The following SHANK2 variants were observed in gnomAD, a reference collection of about 807,000 sequenced individuals.
SHANK2 encodes the protein SH3 and multiple ankyrin repeat domains 2.
Under a neutral mutation model 133.7 loss-of-function variants are expected in SHANK2, and 43 were observed. The observed-to-expected ratio is 0.32, with a 90% CI of 0.25 to 0.41. The LOEUF (loss-of-function observed/expected upper bound fraction) is 0.41. Among genes scored for constraint, SHANK2 ranks in the 10% least tolerant of loss-of-function variants. The pLI is 1.00. For synonymous variants in SHANK2, 1,017 were observed against 952.8 expected (o/e 1.07, Z -1.24); for missense variants, 1,994 against 2,235.8 (o/e 0.89, Z 2.18).
Position 70,632,445 on chromosome 11 carries a change from C to T in SHANK2, c.2061+27383G>A, listed in dbSNP as rs782520697. Among the ~76,000 whole-genome samples the T allele has an allele frequency of 3.9e-5, 6 of 152,226 alleles. No individual in the cohort carries two copies. The East Asian group carries it at 5.8e-4, about 15-fold the overall frequency. On this transcript the variant is annotated intron_variant, in intron 17 of 25. Transcript: ENST00000601538. ...CTGCTCCTGGTTCCATCACGGGCCC[C>T]GAACAGCTGCAGGTGTGTGAAGGCA...
intron 17 of SHANK2, among the ~76,000 whole-genome samples, chr11:70,580,863 C>T (rs559830087): frequency 6.6e-6 from 1 of 152,320 alleles, no homozygotes; most frequent in Non-Finnish European, 1.5e-5. Context: ...CTGGGGGGCT[C>T]ACCTCCTGTT....
chr11:70,502,008 C>T (rs932485122), intron 19 of SHANK2, 77 bp from the exon 20 acceptor site: 32 of 1,494,446 alleles, frequency 2.1e-5, no homozygotes, highest in Admixed American at 1.2e-4. Context: ...CTAGCAACAA[C>T]GCCCCGCGAG....
chr11:70,837,525 C>G (rs532704199), intron 11 of SHANK2, among the ~76,000 whole-genome samples: 61 of 152,334 alleles, frequency 4.0e-4, no homozygotes, highest in Admixed American at 1.8e-3. Flanking sequence ...CCCCTTGTGA[C>G]TTTTTCCTTC....
At chr11:71,208,379 G>A (rs1954175034) in intron 2 of SHANK2, among the ~76,000 whole-genome samples, 1 of 152,150 alleles carries the variant, frequency 6.6e-6, no homozygotes, top group Non-Finnish European at 1.5e-5. Flanking sequence ...TCCAAGGATG[G>A]ACTGGGTGAG....
intron 11 of SHANK2, among the ~76,000 whole-genome samples, chr11:70,853,983 C>A (rs1949130465): frequency 6.6e-6 from 1 of 152,112 alleles, no homozygotes; most frequent in Admixed American, 6.5e-5. Flanking sequence ...CAATTAAACC[C>A]ACAAAGACGC....
At chr11:70,805,043 T>C (rs570815997) in intron 13 of SHANK2, among the ~76,000 whole-genome samples, 2 of 152,306 alleles carry the variant, frequency 1.3e-5, no homozygotes, top group East Asian at 3.9e-4. Flanking sequence ...TCTCGGAGCA[T>C]GGGTCAGTAT....
intron 1 of SHANK2, among the ~76,000 whole-genome samples, chr11:71,245,765 C>T (rs1555124887): frequency 6.6e-6 from 1 of 152,224 alleles, no homozygotes; most frequent in African/African-American, 2.4e-5. Flanking sequence ...TCAGTATCTT[C>T]CCCTGCCAAA....
chr11:70,850,709 C>T (rs927178425), intron 11 of SHANK2, among the ~76,000 whole-genome samples: 1 of 152,162 alleles, frequency 6.6e-6, no homozygotes, highest in Admixed American at 6.5e-5. Flanking sequence ...CTCTGAGGCA[C>T]CCGGACCTTC....
chr11:71,151,690 G>C (rs545484771), intron 2 of SHANK2, among the ~76,000 whole-genome samples: 6 of 152,300 alleles, frequency 3.9e-5, no homozygotes, highest in South Asian at 2.1e-4. Flanking sequence ...AACGGAGGGC[G>C]GGGGGAGCCC....
At chr11:71,232,599 C>A (rs1040413245) in intron 1 of SHANK2, among the ~76,000 whole-genome samples, 2 of 152,018 alleles carry the variant, frequency 1.3e-5, no homozygotes, top group Admixed American at 1.3e-4. Context: ...GAAGACAATG[C>A]AGATGAAACC....
intron 10 of SHANK2, among the ~76,000 whole-genome samples, chr11:70,898,286 A>ACG (rs1264978462): frequency 5.0e-5 from 7 of 139,538 alleles, no homozygotes; most frequent in African/African-American, 2.1e-4. Flanking sequence ...ACACACGCAC[A>ACG]CACACACACA....
At chr11:70,742,749 G>A (rs1946555513) in intron 14 of SHANK2, among the ~76,000 whole-genome samples, 1 of 152,236 alleles carries the variant, frequency 6.6e-6, no homozygotes, top group African/African-American at 2.4e-5. Context: ...GTGGCTGACT[G>A]GCTGCCGGAG....
At chr11:70,598,408 C>T (rs2060430598) in intron 17 of SHANK2, among the ~76,000 whole-genome samples, 1 of 152,198 alleles carries the variant, frequency 6.6e-6, no homozygotes, top group Non-Finnish European at 1.5e-5. Flanking sequence ...AGTTCTGTAA[C>T]CTTGAAAGAG....
intron 17 of SHANK2, among the ~76,000 whole-genome samples, chr11:70,549,200 A>C (rs1460063935): frequency 1.3e-5 from 2 of 152,192 alleles, no homozygotes; most frequent in African/African-American, 4.8e-5. Context: ...CCATGGTCCG[A>C]CTTACGTAGG....
At chr11:71,057,610 T>C (rs1420945506) in intron 9 of SHANK2, among the ~76,000 whole-genome samples, 2 of 152,104 alleles carry the variant, frequency 1.3e-5, no homozygotes, top group Non-Finnish European at 2.9e-5. Context: ...AGTGCAGTGG[T>C]GCAATCTTGG....
intron 9 of SHANK2, among the ~76,000 whole-genome samples, chr11:71,067,977 T>TCATCACCACCAC (rs1951089418): frequency 6.6e-6 from 1 of 151,038 alleles, no homozygotes; most frequent in African/African-American, 2.4e-5. Flanking sequence ...CTCACCACCA[T>TCATCACCACCAC]CATCACCACC....
intron 6 of SHANK2, among the ~76,000 whole-genome samples, chr11:71,101,820 G>A (rs7940661): frequency 0.014 from 2,078 of 152,316 alleles, 47 homozygotes; most frequent in African/African-American, 0.047. Flanking sequence ...GGGGCTCCCC[G>A]TGACACAGCT....
rs1171137426 is a variant in SHANK2, at chr11:70,882,571, G to C, written c.1174+13930C>G. Among the ~76,000 whole-genome samples the C allele has an allele frequency of 2.6e-5, 4 of 152,182 alleles. No individual in the cohort carries two copies. Among genetic ancestry groups the C allele is most frequent in the African/African-American group, 9.7e-5 (4 of 41,424 alleles). On this transcript the variant is annotated intron_variant, in intron 11 of 25. Coordinates refer to ENST00000601538, the MANE Select transcript of SHANK2 (RefSeq NM_012309.5). The surrounding 1 kb of genome is among the most constrained non-coding windows in gnomAD (Gnocchi z 4.2). ...TTAATAGGTCACAGAACAGGAGCAG[G>C]GGCCAGCTGGGCTAGTCTGTGCAGA...
At chr11:71,196,687 C>T (rs533096990) in intron 2 of SHANK2, among the ~76,000 whole-genome samples, 1 of 152,074 alleles carries the variant, frequency 6.6e-6, no homozygotes, top group Non-Finnish European at 1.5e-5. Flanking sequence ...TGCATGCCCT[C>T]CCCCGCATGG....
Sources: allele counts gnomAD v4.1 joint callset (sites outside exome capture counted in the v4.1 genomes callset), GRCh38; gene constraint gnomAD v4.1.1; non-coding constraint Gnocchi (gnomAD v3.1); transcripts MANE v1.5; gene names NCBI Gene and HGNC (gene_info 2026-07-23, HGNC 2026-07-21).